TNNI3K: variants seen among roughly 807,000 people sequenced by gnomAD.
The protein encoded by TNNI3K is serine/threonine-protein kinase TNNI3K.
In TNNI3K, 140 loss-of-function variants were observed where a neutral mutation model predicts 114.5. The ratio of observed to expected loss-of-function variants is 1.22; its 90% CI spans 1.07 to 1.41. The LOEUF is 1.41. TNNI3K is among the 40% of genes most tolerant of loss of function. The pLI is 0.00. For missense variants in TNNI3K, 1,125 were observed against 1,007.6 expected, an observed-to-expected ratio of 1.12 and a Z score of -1.58; for synonymous variants, 347 against 347.5, an observed-to-expected ratio of 1.00 and a Z score of 0.02.
intron 5 of TNNI3K, among the ~76,000 whole-genome samples, chr1:74,306,470 G>T (rs1033376225): frequency 6.6e-6 from 1 of 152,160 alleles, no homozygotes; most frequent in African/African-American, 2.4e-5. Flanking sequence ...TTCCACAGGG[G>T]CTGAACTAAT....
intron 21 of TNNI3K, among the ~76,000 whole-genome samples, chr1:74,466,150 C>T (rs111356258): frequency 1.2e-3 from 187 of 152,298 alleles, no homozygotes; most frequent in African/African-American, 4.2e-3. Flanking sequence ...GAACAAACTC[C>T]GGACACGCCA....
At chr1:74,479,167 C>T (rs1430790598) in intron 21 of TNNI3K, among the ~76,000 whole-genome samples, 1 of 152,138 alleles carries the variant, frequency 6.6e-6, no homozygotes, top group African/African-American at 2.4e-5. Flanking sequence ...TCTCTCCCCA[C>T]CCCCTCATCA....
chr1:74,392,314 T>C (rs1045044411), intron 17 of TNNI3K, among the ~76,000 whole-genome samples: 7 of 152,152 alleles, frequency 4.6e-5, no homozygotes, highest in African/African-American at 1.7e-4. Flanking sequence ...AAGGATCTAA[T>C]TGTGTGAACA....
chr1:74,448,401 G>A (rs61776254), intron 20 of TNNI3K, among the ~76,000 whole-genome samples: 9 of 147,122 alleles, frequency 6.1e-5, no homozygotes, highest in Non-Finnish European at 8.9e-5. Flanking sequence ...CAATCATGTC[G>A]TCTGCAAACA....
At chr1:74,454,971 G>C (rs1557577128) in intron 20 of TNNI3K, among the ~76,000 whole-genome samples, 4 of 151,834 alleles carry the variant, frequency 2.6e-5, no homozygotes, top group African/African-American at 9.7e-5. Flanking sequence ...TAAATGTTAG[G>C]TATTATTATT....
chr1:74,504,309 C>T, intron 23 of TNNI3K, among the ~76,000 whole-genome samples: 1 of 152,136 alleles, frequency 6.6e-6, no homozygotes. Flanking sequence ...TTTTAGCTGC[C>T]TTGCTCTCTA....
intron 16 of TNNI3K, 78 bp from the exon 17 acceptor site, chr1:74,370,210 C>A (rs927344270): frequency 3.2e-6 from 4 of 1,248,072 alleles, no homozygotes; most frequent in African/African-American, 1.5e-5. Flanking sequence ...TATAAAATAA[C>A]AACTCTTACA....
chr1:74,242,726 G>T lies in TNNI3K; in HGVS notation c.149+6516G>T, dbSNP rs184657711. Among the ~76,000 whole-genome samples, 51 of 152,196 alleles carry T rather than the reference G, an allele frequency of 3.4e-4. 1 individual carries two copies. The highest frequency in any genetic ancestry group is 3.4e-3 in the Middle Eastern group (1 of 294). On this transcript the variant is annotated intron_variant, in intron 2 of 24. Coordinates refer to ENST00000326637, the MANE Select transcript of TNNI3K (RefSeq NM_015978.3). The stretch of plus-strand genomic sequence containing the variant: ...CAAAAGGAAACAAAGAATTCATAAT[G>T]CCCTAAGTCAGTCTATTTCTCTAAT...
rs542144229 is a variant in TNNI3K, at chr1:74,245,963, A to C, written c.150-3496A>C. Among the ~76,000 whole-genome samples the C allele has an allele frequency of 8.5e-5, 13 of 152,252 alleles. No homozygotes were observed. In the South Asian group the frequency reaches 1.5e-3, roughly 17 times the overall value. ...AAAGCCTTTTGTGGAAGTACAATAAACTCCAGTGTTTATAAATGTTAATAA... is the reference window on the plus strand; with the variant it reads ...AAAGCCTTTTGTGGAAGTACAATAACCTCCAGTGTTTATAAATGTTAATAA... On this transcript the variant is annotated intron_variant, in intron 2 of 24. Transcript: ENST00000326637.
At chr1:74,498,888 A>C (rs558780176) in intron 23 of TNNI3K, among the ~76,000 whole-genome samples, 9 of 152,362 alleles carry the variant, frequency 5.9e-5, no homozygotes, top group Non-Finnish European at 1.2e-4. Flanking sequence ...TTCTATAACA[A>C]AAGGTAATGT....
rs72969892 is a variant in TNNI3K, at chr1:74,481,022, G to T, written c.2122-8167G>T. The T allele has an allele frequency of 4.8e-5, 31 of 651,600 alleles. No individual in the cohort carries two copies. In the African/African-American group the frequency reaches 5.4e-4, roughly 11 times the overall value. 40.4% of individuals were successfully genotyped at this position (651,600 alleles called of 1,614,324 possible). A position where few individuals can be genotyped will look rare whatever the true frequency, so the allele number is the denominator to read the frequency against. ...CAGGGTACACATGAGTGGGAGGGAG[G>T]GGGTATGGTGGAGAGCAGAGAATCA... On this transcript the variant is annotated intron_variant, in intron 21 of 24. Coordinates refer to ENST00000326637, the MANE Select transcript of TNNI3K (RefSeq NM_015978.3).
At chr1:74,297,238 T>C (rs953737734) in intron 5 of TNNI3K, among the ~76,000 whole-genome samples, 10 of 152,216 alleles carry the variant, frequency 6.6e-5, no homozygotes, top group African/African-American at 2.4e-4. Context: ...ATTTGGTTAC[T>C]GTAGTCACAT....
chr1:74,510,354 A>C (rs977683740), intron 23 of TNNI3K, among the ~76,000 whole-genome samples: 1 of 152,010 alleles, frequency 6.6e-6, no homozygotes, highest in African/African-American at 2.4e-5. Flanking sequence ...AAAATACAAA[A>C]AATATTAGCC....
chr1:74,366,456 G>A (rs1278801223), intron 11 of TNNI3K: 2 of 151,908 alleles, frequency 1.3e-5, no homozygotes, highest in Non-Finnish European at 2.9e-5. Flanking sequence ...TGTTATAATA[G>A]AAAAGTATTT....
At chr1:74,492,517 C>A (rs1221296254) in intron 23 of TNNI3K, among the ~76,000 whole-genome samples, 1 of 152,066 alleles carries the variant, frequency 6.6e-6, no homozygotes, top group Admixed American at 6.5e-5. Flanking sequence ...TTCAGAGCAA[C>A]AAAAGGGATT....
chr1:74,238,862 G>A (rs558364917), intron 2 of TNNI3K, among the ~76,000 whole-genome samples: 16 of 152,026 alleles, frequency 1.1e-4, no homozygotes, highest in Admixed American at 5.2e-4. Flanking sequence ...TTATGTTAAT[G>A]GAGATGGAGA....
chr1:74,252,734 C>T (rs748905650), intron 4 of TNNI3K, among the ~76,000 whole-genome samples: 7 of 151,614 alleles, frequency 4.6e-5, no homozygotes, highest in African/African-American at 1.2e-4. Flanking sequence ...CATTCCTCCC[C>T]GTGGGTTCGT....
intron 5 of TNNI3K, among the ~76,000 whole-genome samples, chr1:74,303,427 A>G (rs1027506862): frequency 1.3e-5 from 2 of 152,090 alleles, no homozygotes; most frequent in Non-Finnish European, 2.9e-5. Flanking sequence ...GGTCTCCCAA[A>G]GTGCTGGGAT....
chr1:74,395,942 C>T (rs1246196532), intron 17 of TNNI3K, among the ~76,000 whole-genome samples: 1 of 152,178 alleles, frequency 6.6e-6, no homozygotes, highest in Non-Finnish European at 1.5e-5. Flanking sequence ...AAGTTTGGCT[C>T]AGATGAGGAT....
Sources: allele counts gnomAD v4.1 joint callset (sites outside exome capture counted in the v4.1 genomes callset), GRCh38; gene constraint gnomAD v4.1.1; transcripts MANE v1.5; gene names NCBI Gene and HGNC (gene_info 2026-07-23, HGNC 2026-07-21).